The following SCAF8 variants were observed in gnomAD, a reference collection of about 807,000 sequenced individuals.
SCAF8 encodes SR-related and CTD-associated factor 8.
Under a neutral mutation model 140.5 loss-of-function variants are expected in SCAF8, and 23 were observed. That is an observed-to-expected ratio of 0.16 (90% CI 0.12 to 0.23). The LOEUF is 0.23. Among genes scored for constraint, SCAF8 ranks in the 10% least tolerant of loss-of-function variants. The pLI is 1.00. For missense variants in SCAF8, 1,397 were observed against 1,555.7 expected, an observed-to-expected ratio of 0.90 and a Z score of 1.72; for synonymous variants, 575 against 528.9, an observed-to-expected ratio of 1.09 and a Z score of -1.20.
intron 3 of SCAF8, among the ~76,000 whole-genome samples, chr6:154,780,100 A>G (rs1216220165): frequency 6.6e-6 from 1 of 152,190 alleles, no homozygotes; most frequent in Non-Finnish European, 1.5e-5. Flanking sequence ...GGTACAGAAC[A>G]GTTCCTTCAC....
chr6:154,766,947 A>G (rs1776590077), intron 1 of SCAF8, among the ~76,000 whole-genome samples: 1 of 152,018 alleles, frequency 6.6e-6, no homozygotes, highest in South Asian at 2.1e-4. Flanking sequence ...AAAGGTCCTT[A>G]TGACCCCCAG....
At chr6:154,806,020 T>G (rs1777903205) in intron 9 of SCAF8, among the ~76,000 whole-genome samples, 1 of 152,200 alleles carries the variant, frequency 6.6e-6, no homozygotes, top group Non-Finnish European at 1.5e-5. Flanking sequence ...ACTCCCATTT[T>G]ATCCCAGAGG....
At chr6:154,741,278 T>TG (rs1363966171) in intron 1 of SCAF8, among the ~76,000 whole-genome samples, 4 of 152,240 alleles carry the variant, frequency 2.6e-5, no homozygotes, top group Non-Finnish European at 5.9e-5. Flanking sequence ...TTAGGCATGA[T>TG]GGAAATGCAT....
intron 1 of SCAF8, among the ~76,000 whole-genome samples, chr6:154,737,832 C>T (rs1778465916): frequency 6.6e-6 from 1 of 152,122 alleles, no homozygotes; most frequent in Non-Finnish European, 1.5e-5. Context: ...ATCTGCCCAC[C>T]TCCCCTCCCA....
At chr6:154,771,290 T>C (rs1279487966) in intron 1 of SCAF8, among the ~76,000 whole-genome samples, 2 of 152,124 alleles carry the variant, frequency 1.3e-5, no homozygotes, top group African/African-American at 4.8e-5. Flanking sequence ...CCTCATTAGG[T>C]GATGCTTTAA....
In SCAF8 at chr6:154,738,205, AAAAAG is replaced by A. The variant is rs375377527; in HGVS notation, c.30+4285_30+4289del. ...TGTGAGACTCTGCTTCAAAAAAAAA[AAAAAG>A]AAAAGAAAACCCCAATAATACAGAT... On this transcript the variant is annotated intron_variant, in intron 1 of 19. Transcript: ENST00000367178. Among the ~76,000 whole-genome samples, 57 of 152,164 alleles carry A rather than the reference AAAAAG, an allele frequency of 3.7e-4. 1 individual carries two copies. In the East Asian group the frequency reaches 0.01, roughly 28 times the overall value.
intron 6 of SCAF8, among the ~76,000 whole-genome samples, chr6:154,798,276 A>G (rs576532672): frequency 2.1e-4 from 32 of 151,714 alleles, no homozygotes; most frequent in African/African-American, 6.3e-4. Context: ...GGCTTGAACA[A>G]TTGGTTCAGG....
At chr6:154,761,206 T>C (rs753250855) in intron 1 of SCAF8, among the ~76,000 whole-genome samples, 98 of 152,338 alleles carry the variant, frequency 6.4e-4, no homozygotes, top group Non-Finnish European at 7.9e-4. Flanking sequence ...ACATGTGGTA[T>C]GTTTTTTTCA....
chr6:154,826,809 C>T (rs986795362), intron 17 of SCAF8, among the ~76,000 whole-genome samples: 3 of 151,982 alleles, frequency 2.0e-5, no homozygotes, highest in South Asian at 2.1e-4. Context: ...CCAGAGTTAA[C>T]GGAAATATTT....
chr6:154,827,843 G>T (rs1022779256), intron 18 of SCAF8, among the ~76,000 whole-genome samples: 3 of 150,020 alleles, frequency 2.0e-5, no homozygotes, highest in Admixed American at 6.6e-5. Context: ...GCGGGGGGGG[G>T]GGCGGTGTAA....
chr6:154,813,392 T>C (rs1778152972), intron 12 of SCAF8, among the ~76,000 whole-genome samples: 2 of 152,140 alleles, frequency 1.3e-5, no homozygotes. Flanking sequence ...ATGGTGATGG[T>C]GTGCCTATAG....
chr6:154,766,627 T>C (rs1776573319), intron 1 of SCAF8, among the ~76,000 whole-genome samples: 1 of 150,896 alleles, frequency 6.6e-6, no homozygotes, highest in Non-Finnish European at 1.5e-5. Context: ...CCAAGATTCA[T>C]ATCCTGAAAC....
intron 4 of SCAF8, among the ~76,000 whole-genome samples, chr6:154,788,795 G>T (rs1055177814): frequency 2.0e-5 from 3 of 152,108 alleles, no homozygotes; most frequent in African/African-American, 7.2e-5. Flanking sequence ...AAAAGCTTTG[G>T]ATCATGAGCG....
chr6:154,784,724 A>G (rs1377067559), intron 3 of SCAF8, among the ~76,000 whole-genome samples: 1 of 152,222 alleles, frequency 6.6e-6, no homozygotes, highest in Non-Finnish European at 1.5e-5. Flanking sequence ...TGCCCATTTT[A>G]TATAAGGGAC....
chr6:154,815,575 C>T (rs1043544443), intron 12 of SCAF8, 141 bp from the exon 13 acceptor site: 5 of 370,892 alleles, frequency 1.3e-5, no homozygotes, highest in Non-Finnish European at 5.0e-6. Context: ...ATAACAGATG[C>T]AAGTGTTCAT....
intron 1 of SCAF8, among the ~76,000 whole-genome samples, chr6:154,756,274 GTC>G (rs1000807592): frequency 1.3e-5 from 2 of 152,176 alleles, no homozygotes; most frequent in Admixed American, 6.5e-5. Context: ...TTGAATTAGT[GTC>G]TCTGCAGAAT....
chr6:154,774,518 TG>T (rs1776864396), intron 2 of SCAF8, among the ~76,000 whole-genome samples: 1 of 152,190 alleles, frequency 6.6e-6, no homozygotes, highest in Admixed American at 6.5e-5. Flanking sequence ...TGTTTAACAC[TG>T]TCTTTTGCCA....
Position 154,733,649 on chromosome 6 carries a change from C to G in SCAF8, c.-252C>G. The G allele has an allele frequency of 7.8e-7, 1 of 1,288,744 alleles. No individual in the cohort carries two copies. Among genetic ancestry groups the G allele is most frequent in the Non-Finnish European group, 9.8e-7 (1 of 1,021,582 alleles). 79.8% of individuals were successfully genotyped at this position (1,288,744 alleles called of 1,614,324 possible). ...CCTCCCCCGCCCGCCGCCGACCCGC[C>G]CCGGCAGCGCCTCTGTTCCCTAGAA... On this transcript the variant is annotated 5_prime_UTR_variant, in exon 1 of 20. Coordinates refer to ENST00000367178, the MANE Select transcript of SCAF8 (RefSeq NM_014892.5).
intron 1 of SCAF8, among the ~76,000 whole-genome samples, chr6:154,756,854 C>A (rs1203184015): frequency 6.6e-6 from 1 of 151,914 alleles, no homozygotes; most frequent in Non-Finnish European, 1.5e-5. Context: ...CATAACGAAA[C>A]CCGTCTCTAC....
Sources: allele counts gnomAD v4.1 joint callset (sites outside exome capture counted in the v4.1 genomes callset), GRCh38; gene constraint gnomAD v4.1.1; transcripts MANE v1.5; gene names NCBI Gene and HGNC (gene_info 2026-07-23, HGNC 2026-07-21).